The following FNDC3A variants were observed in gnomAD, a reference collection of about 807,000 sequenced individuals.
FNDC3A encodes fibronectin type-III domain-containing protein 3A.
FNDC3A carries 32 observed loss-of-function variants against 148.9 expected under a neutral mutation model. The observed-to-expected ratio is 0.21, with a 90% CI of 0.16 to 0.29. The LOEUF (loss-of-function observed/expected upper bound fraction) is 0.29, where lower values mean the gene tolerates loss of function less well. Among genes scored for constraint, FNDC3A ranks in the 10% least tolerant of loss-of-function variants. FNDC3A has a pLI of 1.00. For missense variants in FNDC3A, 1,191 were observed against 1,452.8 expected, an observed-to-expected ratio of 0.82 and a Z score of 2.93; for synonymous variants, 472 against 473.6, an observed-to-expected ratio of 1.00 and a Z score of 0.04.
At chr13:49,027,037 A>G (rs1873766104) in intron 2 of FNDC3A, among the ~76,000 whole-genome samples, 1 of 152,138 alleles carries the variant, frequency 6.6e-6, no homozygotes, top group South Asian at 2.1e-4. Context: ...TAGAGAAAGA[A>G]TGAGTATGAT....
chr13:49,160,946 A>T (rs1884065993), intron 8 of FNDC3A, among the ~76,000 whole-genome samples: 1 of 152,286 alleles, frequency 6.6e-6, no homozygotes, highest in South Asian at 2.1e-4. Flanking sequence ...GAGTTTCTTA[A>T]TCCTGAATTC....
In FNDC3A at chr13:49,114,818, C is replaced by A. The variant is rs1386303654; in HGVS notation, c.252+87C>A. The A allele has an allele frequency of 7.7e-6, 7 of 913,684 alleles. No individual in the cohort carries two copies. The East Asian group carries it at 1.7e-4, about 22-fold the overall frequency. 56.6% of individuals were successfully genotyped at this position (913,684 alleles called of 1,614,324 possible). ...GACTTTGATTTTGATTTAAAAAAAC[C>A]ATTTAATTACTGAGGCTTACCAAGT... On this transcript the variant is annotated intron_variant, in intron 4 of 25. Coordinates refer to ENST00000492622, the MANE Select transcript of FNDC3A (RefSeq NM_001079673.2).
chr13:48,987,583 G>A (rs1044608824), intron 1 of FNDC3A, among the ~76,000 whole-genome samples: 7 of 152,138 alleles, frequency 4.6e-5, no homozygotes, highest in African/African-American at 1.4e-4. Context: ...CTTCACTTAA[G>A]GGACATGAAA....
At chr13:49,156,196 G>T (rs1424679363) in intron 8 of FNDC3A, among the ~76,000 whole-genome samples, 14 of 149,084 alleles carry the variant, frequency 9.4e-5, no homozygotes, top group Admixed American at 6.6e-4. Context: ...TTATGAATCT[G>T]GGTGCTCCTG....
At chr13:49,151,772 C>G (rs988280574) in intron 8 of FNDC3A, among the ~76,000 whole-genome samples, 11 of 152,106 alleles carry the variant, frequency 7.2e-5, no homozygotes, top group African/African-American at 2.7e-4. Flanking sequence ...TGTTCCCGGC[C>G]CTGTGTCCAA....
intron 1 of FNDC3A, among the ~76,000 whole-genome samples, 173 bp downstream of exon 1, chr13:48,976,350 T>C (rs1481313756): frequency 6.6e-6 from 1 of 152,064 alleles, no homozygotes; most frequent in Non-Finnish European, 1.5e-5. Context: ...GTGGGCGCGC[T>C]GTGGGCAGAG....
rs563822689 is a variant in FNDC3A, at chr13:49,064,985, A to C, written c.100-10304A>C. 2.0e-5 allele frequency among the ~76,000 whole-genome samples: 3 copies of C among 152,250 alleles called. No homozygotes were observed. In the East Asian group the frequency reaches 5.8e-4, roughly 29 times the overall value. On this transcript the variant is annotated intron_variant, in intron 2 of 25. Coordinates refer to ENST00000492622, the MANE Select transcript of FNDC3A (RefSeq NM_001079673.2). ...GCTGTGGAAAATTGTATGAGTGAAAAAATCCATCATACTTTTCAATTCCTG... is the reference window on the plus strand; with the variant it reads ...GCTGTGGAAAATTGTATGAGTGAAACAATCCATCATACTTTTCAATTCCTG...
At chr13:49,199,062 C>A (rs1443850499) in intron 23 of FNDC3A, among the ~76,000 whole-genome samples, 1 of 151,994 alleles carries the variant, frequency 6.6e-6, no homozygotes, top group Admixed American at 6.6e-5. Context: ...GCTCTGTCAC[C>A]CAGGCTGGCC....
intron 2 of FNDC3A, among the ~76,000 whole-genome samples, chr13:49,023,858 A>G (rs532104451): frequency 6.6e-6 from 1 of 152,152 alleles, no homozygotes; most frequent in South Asian, 2.1e-4. Context: ...AAAAGTGTAC[A>G]GATAGTTGTT....
chr13:49,062,924 T>G (rs1172627753), intron 2 of FNDC3A, among the ~76,000 whole-genome samples: 1 of 152,222 alleles, frequency 6.6e-6, no homozygotes, highest in East Asian at 1.9e-4. Context: ...CCTCCTGCTA[T>G]TTCCCTGGAT....
intron 8 of FNDC3A, among the ~76,000 whole-genome samples, chr13:49,149,163 CTTTTTT>C (rs766364277): frequency 7.4e-6 from 1 of 134,254 alleles, no homozygotes; most frequent in South Asian, 2.4e-4. Flanking sequence ...GACAATTTGA[CTTTTTT>C]TTTTTTTTTA....
At chr13:49,046,765 T>A (rs1208985275) in intron 2 of FNDC3A, 1 of 152,204 alleles carries the variant, frequency 6.6e-6, no homozygotes, top group Non-Finnish European at 1.5e-5. Context: ...TGAAAAATCA[T>A]CACATAATGA....
At chr13:49,122,103 A>C (rs7990573) in intron 4 of FNDC3A, among the ~76,000 whole-genome samples, 48,984 of 152,028 alleles carry the variant, frequency 0.32, 8,016 homozygotes, top group South Asian at 0.48. Context: ...ATCCTCAATA[A>C]AATAACTGGC....
intron 25 of FNDC3A, among the ~76,000 whole-genome samples, chr13:49,205,382 C>T (rs1486801791): frequency 6.6e-6 from 1 of 152,090 alleles, no homozygotes; most frequent in Non-Finnish European, 1.5e-5. Flanking sequence ...GTTATGTATA[C>T]AATTTTACAC....
intron 3 of FNDC3A, among the ~76,000 whole-genome samples, chr13:49,102,882 G>A (rs1879951859): frequency 6.6e-6 from 1 of 152,044 alleles, no homozygotes; most frequent in African/African-American, 2.4e-5. Context: ...ATTTTGCAGA[G>A]AGCTATCTTA....
chr13:48,999,527 A>T (rs1056680133), intron 1 of FNDC3A, among the ~76,000 whole-genome samples: 1 of 152,126 alleles, frequency 6.6e-6, no homozygotes, highest in Admixed American at 6.6e-5. Context: ...TGGACTTTAG[A>T]GTTGATATTT....
At chr13:49,174,359 G>A in intron 11 of FNDC3A, 76 bp from the exon 12 acceptor site, 1 of 1,252,894 alleles carries the variant, frequency 8.0e-7, no homozygotes, top group Non-Finnish European at 1.1e-6. Flanking sequence ...ATATGTAACT[G>A]TCAAGAAGGA....
chr13:49,156,579 A>T (rs929638642), intron 8 of FNDC3A, among the ~76,000 whole-genome samples: 1 of 144,916 alleles, frequency 6.9e-6, no homozygotes, highest in African/African-American at 2.6e-5. Context: ...TTAGCTGGTG[A>T]TTTTGCTCGT....
At chr13:49,158,089 C>T (rs1434227772) in intron 8 of FNDC3A, among the ~76,000 whole-genome samples, 3 of 152,214 alleles carry the variant, frequency 2.0e-5, no homozygotes, top group Non-Finnish European at 2.9e-5. Context: ...CCTAAGCAAG[C>T]CAGGGCAATG....
Sources: gnomAD v4.1 joint callset for allele counts (sites outside exome capture counted in the v4.1 genomes callset) on GRCh38, gnomAD v4.1.1 for gene constraint, MANE v1.5 for transcripts, NCBI Gene and HGNC (gene_info 2026-07-23, HGNC 2026-07-21) for gene names.